MDM2: variants seen among roughly 807,000 people sequenced by gnomAD.
MDM2 encodes the protein E3 ubiquitin-protein ligase Mdm2.
A neutral mutation model predicts 64.3 loss-of-function variants in MDM2; 11 were observed. The ratio of observed to expected loss-of-function variants is 0.17; its 90% CI spans 0.11 to 0.28. The LOEUF (loss-of-function observed/expected upper bound fraction) is 0.28. MDM2 is among the 10% of genes least tolerant of loss of function. The pLI, the probability that MDM2 is intolerant of heterozygous loss-of-function variation, is 1.00. For synonymous variants in MDM2, 194 were observed against 192.9 expected (o/e 1.01, Z -0.05); for missense variants, 388 against 577.1 (o/e 0.67, Z 3.36).
At chr12:68,822,200 T>C (rs1322092254) in intron 5 of MDM2, among the ~76,000 whole-genome samples, 2 of 152,212 alleles carry the variant, frequency 1.3e-5, no homozygotes, top group African/African-American at 2.4e-5. Context: ...CAGGTTTGCA[T>C]TGTGCATCAC....
intron 4 of MDM2, among the ~76,000 whole-genome samples, chr12:68,819,888 T>G (rs535979742): frequency 2.8e-4 from 42 of 152,270 alleles, no homozygotes; most frequent in Non-Finnish European, 5.1e-4. Context: ...TTTGCGTAAC[T>G]CAATAGTTTT....
At chr12:68,830,855 C>T (rs1882735262) in intron 8 of MDM2, among the ~76,000 whole-genome samples, 1 of 152,096 alleles carries the variant, frequency 6.6e-6, no homozygotes, top group South Asian at 2.1e-4. Context: ...CTCCCATCAC[C>T]ACACCTGGCT....
chr12:68,832,382 G>A lies in MDM2; in HGVS notation c.685-3447G>A, dbSNP rs137874694. Among the ~76,000 whole-genome samples the A allele has an allele frequency of 2.0e-5, 3 of 152,084 alleles. No individual in the cohort carries two copies. In the East Asian group the frequency reaches 5.8e-4, roughly 29 times the overall value. On this transcript the variant is annotated intron_variant, in intron 8 of 10. Transcript: ENST00000258149. ...CAGATTCCATTTTTAGCTAAGACTG[G>A]GGTTTTAAATAACTTGTTTAAGGTT...
chr12:68,808,404 C>T lies in MDM2; in HGVS notation c.-74C>T. 6.2e-7 allele frequency: 1 copy of T among 1,604,964 alleles called. No homozygotes were observed. The highest frequency in any genetic ancestry group is 8.5e-7 in the Non-Finnish European group (1 of 1,172,582). On this transcript the variant is annotated 5_prime_UTR_variant, in exon 1 of 11. Transcript: ENST00000258149. ...GAATGATCCCCGAGGCCCAGGGCGT[C>T]GTGCTTCCGCGCGCCCCGTGAAGGA...
intron 4 of MDM2, among the ~76,000 whole-genome samples, chr12:68,817,714 C>T (rs1337224163): frequency 1.3e-5 from 2 of 152,014 alleles, no homozygotes; most frequent in Non-Finnish European, 2.9e-5. Flanking sequence ...GAGATTGCGC[C>T]ACTGCACTCC....
chr12:68,808,604 G>C (rs1047349095), intron 1 of MDM2, 113 bp downstream of exon 1: 1 of 1,491,786 alleles, frequency 6.7e-7, no homozygotes, highest in East Asian at 2.5e-5. Flanking sequence ...TCGTGGCTGG[G>C]GGCTCGGGGC....
intron 7 of MDM2, among the ~76,000 whole-genome samples, chr12:68,826,390 T>C (rs1478754702): frequency 6.6e-6 from 1 of 152,130 alleles, no homozygotes; most frequent in African/African-American, 2.4e-5. Flanking sequence ...GGCTCACACC[T>C]GTAATCCCAG....
At chr12:68,810,538 T>C (rs1880786872) in intron 2 of MDM2, among the ~76,000 whole-genome samples, 2 of 151,884 alleles carry the variant, frequency 1.3e-5, no homozygotes, top group Admixed American at 1.3e-4. Context: ...CTCGGCTCAC[T>C]GCAATCTCCG....
rs1415056896 is a variant in MDM2 at position 68,842,636 on chromosome 12, G to A, written c.*2787G>A. The stretch of plus-strand genomic sequence containing the variant: ...GGACATAAAATAGTTACGCTATTTG[G>A]TTAATGGTACTAGACAACATGTAAT... On this transcript the variant is annotated 3_prime_UTR_variant, in exon 11 of 11. Transcript: ENST00000258149. 7 of 284,778 alleles carry A rather than the reference G, an allele frequency of 2.5e-5. No individual in the cohort carries two copies. The Admixed American group carries it at 3.2e-4, about 13-fold the overall frequency. 17.6% of individuals were successfully genotyped at this position (284,778 alleles called of 1,614,324 possible). A position where few individuals can be genotyped will look rare whatever the true frequency, so the allele number is the denominator to read the frequency against.
chr12:68,838,407 G>A (rs1228053341), intron 10 of MDM2, among the ~76,000 whole-genome samples: 1 of 152,180 alleles, frequency 6.6e-6, no homozygotes, highest in Non-Finnish European at 1.5e-5. Context: ...GCATTGAGCA[G>A]TTACAAAGAT....
rs1376304381 is a variant in MDM2, at chr12:68,841,609, T to G, written c.*1760T>G. On this transcript the variant is annotated 3_prime_UTR_variant, in exon 11 of 11. Coordinates refer to ENST00000258149, the MANE Select transcript of MDM2 (RefSeq NM_002392.6). Reference sequence around the variant, plus strand: ...ATGGAATCTGTTGTTTCCCCCTAAGTTGAAAAACAACTCTAAGACACTTTA... The same window carrying G: ...ATGGAATCTGTTGTTTCCCCCTAAGGTGAAAAACAACTCTAAGACACTTTA... 2 of 210,442 alleles carry G rather than the reference T, an allele frequency of 9.5e-6. No homozygotes were observed. The highest frequency in any genetic ancestry group is 1.9e-5 in the Non-Finnish European group (2 of 103,808). 13.0% of individuals were successfully genotyped at this position (210,442 alleles called of 1,614,324 possible).
chr12:68,839,420 C>A lies in MDM2; in HGVS notation c.1065C>A (p.Asn355Lys), dbSNP rs2136177691. The change falls in exon 11 of 11, where the codon AAC (asparagine) becomes AAA (lysine). Residue 355 changes from asparagine (N) to lysine (K), a missense_variant. Around this residue, in one of 5 missense-constraint regions of MDM2, gnomAD observed 138 missense variants for 143.7 expected, o/e 0.96. Coordinates refer to ENST00000258149, the MANE Select transcript of MDM2 (RefSeq NM_002392.6). ...GEISEKAKLE[N>K]STQAEEGFDV... ...TCTCTGAGAAAGCCAAACTGGAAAACTCAACACAAGCTGAAGAGGGCTTTG... is the reference window on the plus strand; with the variant it reads ...TCTCTGAGAAAGCCAAACTGGAAAAATCAACACAAGCTGAAGAGGGCTTTG... The A allele has an allele frequency of 6.2e-7, 1 of 1,613,740 alleles. No homozygotes were observed. The highest frequency in any genetic ancestry group is 8.5e-7 in the Non-Finnish European group (1 of 1,179,996).
Position 68,836,689 on chromosome 12 carries a change from G to C in MDM2, c.858G>C (p.Val286=). ...TTTATTAGGTATATCAAGTTACTGT[G>C]TATCAGGCAGGGGAGAGTGATACAG... ...DEDDEVYQVT[V]YQAGESDTDS... Residue 286 remains valine, a synonymous_variant, in exon 10 of 11, where the codon GTG becomes GTC. Coordinates refer to ENST00000258149, the MANE Select transcript of MDM2 (RefSeq NM_002392.6). 1 of 1,611,578 alleles carries C rather than the reference G, an allele frequency of 6.2e-7. No homozygotes were observed. Among genetic ancestry groups the C allele is most frequent in the Non-Finnish European group, 8.5e-7 (1 of 1,177,944 alleles).
At position 68,842,529 on chromosome 12, in the gene MDM2, A is replaced by G. The variant is rs1193758472; in HGVS notation, c.*2680A>G. 6 of 360,458 alleles carry G rather than the reference A, an allele frequency of 1.7e-5. No homozygotes were observed. The highest frequency in any genetic ancestry group is 7.0e-5 in the African/African-American group (3 of 43,086). The allele number at this position is 360,458 out of a possible 1,614,324, so 22.3% of individuals were successfully genotyped here. A position where few individuals can be genotyped will look rare whatever the true frequency, so the allele number is the denominator to read the frequency against. ...TACAAAATCATCTACATTGCTGTCTACAAAACAGATAATATGGATGTTTGA... is the reference window on the plus strand; with the variant it reads ...TACAAAATCATCTACATTGCTGTCTGCAAAACAGATAATATGGATGTTTGA... On this transcript the variant is annotated 3_prime_UTR_variant, in exon 11 of 11. Coordinates refer to ENST00000258149, the MANE Select transcript of MDM2 (RefSeq NM_002392.6).
intron 3 of MDM2, among the ~76,000 whole-genome samples, chr12:68,815,418 G>A (rs1000374492): frequency 3.3e-5 from 5 of 149,574 alleles, no homozygotes; most frequent in Admixed American, 6.7e-5. Context: ...GAAGAGCTGG[G>A]GCCAGTTTCT....
intron 3 of MDM2, chr12:68,814,801 C>T (rs1232971988): frequency 6.2e-6 from 1 of 162,156 alleles, no homozygotes; most frequent in Non-Finnish European, 1.4e-5. Context: ...ATTGAGCAAC[C>T]TTAGGCAGAA....
intron 7 of MDM2, among the ~76,000 whole-genome samples, chr12:68,825,559 A>G (rs2136141030): frequency 6.6e-6 from 1 of 152,206 alleles, no homozygotes; most frequent in East Asian, 1.9e-4. Context: ...AGGCTGAGGC[A>G]GGAGAATGGC....
At chr12:68,838,110 G>A (rs1883455059) in intron 10 of MDM2, among the ~76,000 whole-genome samples, 1 of 151,648 alleles carries the variant, frequency 6.6e-6, no homozygotes, top group African/African-American at 2.4e-5. Context: ...CTTTTTCTTT[G>A]GTTTTATGAG....
At chr12:68,847,454 T>TTTTTTTC (rs1884403385), downstream of MDM2, 1 of 111,814 alleles carries the variant, frequency 8.9e-6, no homozygotes, top group South Asian at 2.6e-4. Context: ...TCTCCTTTCT[T>TTTTTTTC]TTTTTTTTTT....
Sources: allele counts gnomAD v4.1 joint callset (sites outside exome capture counted in the v4.1 genomes callset), GRCh38; gene constraint gnomAD v4.1.1; regional missense constraint gnomAD v4.1.1; transcripts MANE v1.5; gene names NCBI Gene and HGNC (gene_info 2026-07-23, HGNC 2026-07-21).